ANKRD10: variants seen among roughly 807,000 people sequenced by gnomAD.
ANKRD10 encodes the protein ankyrin repeat domain-containing protein 10.
A neutral mutation model predicts 27.0 loss-of-function variants in ANKRD10; 14 were observed. The observed-to-expected ratio is 0.52, with a 90% CI of 0.34 to 0.81. The LOEUF (loss-of-function observed/expected upper bound fraction) is 0.81. Ranked by LOEUF, ANKRD10 falls within the 40% of genes least tolerant of loss-of-function variation. The pLI, the probability that ANKRD10 is intolerant of heterozygous loss-of-function variation, is 0.01. For synonymous variants in ANKRD10, 250 were observed against 224.5 expected, an observed-to-expected ratio of 1.11 and a Z score of -1.01; for missense variants, 493 against 544.0, an observed-to-expected ratio of 0.91 and a Z score of 0.93.
intron 4 of ANKRD10, among the ~76,000 whole-genome samples, chr13:110,890,894 C>T (rs1180572698): frequency 6.6e-6 from 1 of 152,178 alleles, no homozygotes; most frequent in African/African-American, 2.4e-5. Flanking sequence ...CCCCCAAAGT[C>T]AGCAGGACTC....
chr13:110,898,041 C>T (rs9559903), intron 3 of ANKRD10, among the ~76,000 whole-genome samples: 51,121 of 152,042 alleles, frequency 0.34, 8,941 homozygotes, highest in East Asian at 0.69. Flanking sequence ...GTTGCCAAAT[C>T]TGTCACAAAA....
chr13:110,894,803 A>G (rs2065185526), intron 3 of ANKRD10: 1 of 152,240 alleles, frequency 6.6e-6, no homozygotes, highest in Admixed American at 6.5e-5. Context: ...CTAGTATTGC[A>G]TAATATTTTT....
chr13:110,912,639 CAG>C (rs546799548), intron 1 of ANKRD10, among the ~76,000 whole-genome samples: 68 of 152,318 alleles, frequency 4.5e-4, no homozygotes, highest in African/African-American at 1.6e-3. Context: ...AAAGCTACAA[CAG>C]AGATTTTAAA....
Position 110,915,042 on chromosome 13 carries a change from G to C in ANKRD10, c.-108C>G, listed in dbSNP as rs1014152118. The C allele has an allele frequency of 2.8e-6, 4 of 1,428,694 alleles. No homozygotes were observed. Among genetic ancestry groups the C allele is most frequent in the Non-Finnish European group, 9.1e-7 (1 of 1,095,514 alleles). 88.5% of individuals were successfully genotyped at this position (1,428,694 alleles called of 1,614,324 possible). The stretch of plus-strand genomic sequence containing the variant: ...GGAACGAGACTAGCGCCGCGGTCGC[G>C]TCCCACAGGCTGCCGAGCGGAGCGC... On this transcript the variant is annotated 5_prime_UTR_variant, in exon 1 of 6. Coordinates refer to ENST00000267339, the MANE Select transcript of ANKRD10 (RefSeq NM_017664.4).
At chr13:110,897,397 T>C (rs1481126859) in intron 3 of ANKRD10, among the ~76,000 whole-genome samples, 1 of 151,550 alleles carries the variant, frequency 6.6e-6, no homozygotes, top group African/African-American at 2.4e-5. Flanking sequence ...GCACCGAGAT[T>C]AGAGGCATGA....
At chr13:110,891,474 A>G (rs1214084991) in intron 4 of ANKRD10, among the ~76,000 whole-genome samples, 1 of 152,198 alleles carries the variant, frequency 6.6e-6, no homozygotes, top group African/African-American at 2.4e-5. Context: ...AATTTGATAA[A>G]ACTGTTAAGT....
chr13:110,897,301 T>TTC (rs2138853176), intron 3 of ANKRD10, among the ~76,000 whole-genome samples: 1 of 150,016 alleles, frequency 6.7e-6, no homozygotes, highest in South Asian at 2.1e-4. Flanking sequence ...CTACTTTTTT[T>TTC]TTTTTTTTTT....
chr13:110,900,405 T>C (rs2065350637), intron 3 of ANKRD10: 1 of 568,734 alleles, frequency 1.8e-6, no homozygotes, highest in Middle Eastern at 4.1e-4. Context: ...GATCTCAACT[T>C]AGCTATTGTT....
chr13:110,897,023 A>C (rs2065243854), intron 3 of ANKRD10, among the ~76,000 whole-genome samples: 1 of 151,730 alleles, frequency 6.6e-6, no homozygotes, highest in Non-Finnish European at 1.5e-5. Context: ...GCATCACCTC[A>C]AACACTTTCC....
chr13:110,880,898 A>C (rs2064804825), intron 5 of ANKRD10, among the ~76,000 whole-genome samples: 1 of 152,076 alleles, frequency 6.6e-6, no homozygotes, highest in Non-Finnish European at 1.5e-5. Context: ...TCAGTCCAGC[A>C]ATTAAAATGA....
chr13:110,905,697 A>G (rs994772202), intron 3 of ANKRD10, among the ~76,000 whole-genome samples: 2 of 152,238 alleles, frequency 1.3e-5, no homozygotes, highest in Non-Finnish European at 2.9e-5. Context: ...GGCAAAGAAA[A>G]GTTTAAAGAC....
In ANKRD10 at chr13:110,879,970, G is replaced by A; in HGVS notation, c.930C>T (p.Ser310=). 2 of 1,614,218 alleles carry A rather than the reference G, an allele frequency of 1.2e-6. No individual in the cohort carries two copies. Among genetic ancestry groups the A allele is most frequent in the Non-Finnish European group, 1.7e-6 (2 of 1,180,038 alleles). The stretch of plus-strand genomic sequence containing the variant: ...ACGGCTGTCCTGGGGCTAATCCACT[G>A]CTAATTCCGTTAGTTCCTGTCAAGC... ...GQCLTGTNGI[S]SGLAPGQPFP... Residue 310 remains serine, a synonymous_variant, in exon 6 of 6, where the codon AGC becomes AGT. Transcript: ENST00000267339.
At chr13:110,914,125 A>C (rs2065805497) in intron 1 of ANKRD10, among the ~76,000 whole-genome samples, 1 of 152,284 alleles carries the variant, frequency 6.6e-6, no homozygotes, top group African/African-American at 2.4e-5. Flanking sequence ...GCCGGCCTCC[A>C]TCCCACACAG....
chr13:110,880,951 C>G (rs574863553), intron 5 of ANKRD10, among the ~76,000 whole-genome samples: 2 of 152,328 alleles, frequency 1.3e-5, no homozygotes, highest in African/African-American at 4.8e-5. Flanking sequence ...CAAAAACCAC[C>G]TTTGCTGGAA....
intron 4 of ANKRD10, among the ~76,000 whole-genome samples, chr13:110,884,501 A>C (rs765903093): frequency 2.6e-5 from 4 of 152,212 alleles, no homozygotes; most frequent in Non-Finnish European, 4.4e-5. Flanking sequence ...ATGTGTCTGA[A>C]CGGCTTCTCG....
intron 1 of ANKRD10, 105 bp downstream of exon 1, chr13:110,914,620 C>T (rs973298941): frequency 1.4e-6 from 2 of 1,428,440 alleles, no homozygotes; most frequent in African/African-American, 1.5e-5. Flanking sequence ...CCCGCTTCCG[C>T]CCCGCGATCC....
At chr13:110,886,414 T>C (rs952389049) in intron 4 of ANKRD10, among the ~76,000 whole-genome samples, 1 of 152,238 alleles carries the variant, frequency 6.6e-6, no homozygotes, top group African/African-American at 2.4e-5. Flanking sequence ...CCTTAGAATT[T>C]CATTCCATCT....
At chr13:110,887,141 C>T (rs968837371) in intron 4 of ANKRD10, among the ~76,000 whole-genome samples, 17 of 152,196 alleles carry the variant, frequency 1.1e-4, no homozygotes, top group African/African-American at 3.9e-4. Context: ...CTGGGGGACA[C>T]ACAGAGATGC....
chr13:110,885,524 G>C (rs1024961828), intron 4 of ANKRD10, among the ~76,000 whole-genome samples: 1 of 151,896 alleles, frequency 6.6e-6, no homozygotes, highest in African/African-American at 2.4e-5. Context: ...CTCCAGCCTG[G>C]TGACAGAGCG....
Sources: gnomAD v4.1 joint callset for allele counts (sites outside exome capture counted in the v4.1 genomes callset) on GRCh38, gnomAD v4.1.1 for gene constraint, MANE v1.5 for transcripts, NCBI Gene and HGNC (gene_info 2026-07-23, HGNC 2026-07-21) for gene names.